Variants in CPD observed in about 807,000 individuals in gnomAD.
CPD encodes the protein metallocarboxypeptidase D.
Under a neutral mutation model 138.3 loss-of-function variants are expected in CPD, and 69 were observed. The ratio of observed to expected loss-of-function variants is 0.50; its 90% confidence interval spans 0.41 to 0.61. CPD has a LOEUF of 0.61. CPD is among the 20% of genes least tolerant of loss of function. The pLI is 0.00. For missense variants in CPD, 1,432 were observed against 1,733.3 expected (o/e 0.83, Z 3.09); for synonymous variants, 651 against 642.1 (o/e 1.01, Z -0.21).
At position 30,431,901 on chromosome 17, in the gene CPD, T is replaced by C. The variant is rs1912575998; in HGVS notation, c.2127+20T>C. 6.8e-7 allele frequency: 1 copy of C among 1,460,792 alleles called. No homozygotes were observed. Among genetic ancestry groups the C allele is most frequent in the Non-Finnish European group, 9.5e-7 (1 of 1,054,276 alleles). The allele number at this position is 1,460,792 out of a possible 1,614,324, so 90.5% of individuals were successfully genotyped here. On this transcript the variant is annotated intron_variant, in intron 8 of 20. Coordinates refer to ENST00000225719, the MANE Select transcript of CPD (RefSeq NM_001304.5). The stretch of plus-strand genomic sequence containing the variant: ...TCCAAGGTAGGCTTGTCTTTGAATA[T>C]AAAATGTTACAAAATTAATTCTTTT...
chr17:30,438,041 A>G lies in CPD; in HGVS notation c.2128-934A>G, dbSNP rs1329343558. 6.5e-5 allele frequency among the ~76,000 whole-genome samples: 8 copies of G among 122,440 alleles called. No individual in the cohort carries two copies. In the Admixed American group the frequency reaches 9.0e-4, roughly 14 times the overall value. 80.3% of individuals were successfully genotyped at this position (122,440 alleles called of 152,430 possible). The stretch of plus-strand genomic sequence containing the variant: ...TTTTTTTTTGTAGAGATGAGGTCTC[A>G]CTGTATTGCCCAGGCTGGTCTTGAA... On this transcript the variant is annotated intron_variant, in intron 8 of 20. Transcript: ENST00000225719.
intron 17 of CPD, chr17:30,456,905 G>T (rs1913316288): frequency 5.7e-6 from 1 of 176,504 alleles, no homozygotes; most frequent in East Asian, 1.5e-4. Flanking sequence ...TTGAGTACAA[G>T]AATAGGTGAC....
At chr17:30,381,971 A>T (rs116764662) in intron 1 of CPD, among the ~76,000 whole-genome samples, 17 of 152,182 alleles carry the variant, frequency 1.1e-4, no homozygotes, top group South Asian at 4.1e-4. Flanking sequence ...GAAAATATAT[A>T]AAAAAATTAA....
chr17:30,445,588 A>C, intron 11 of CPD, 103 bp from the exon 12 acceptor site: 1 of 762,442 alleles, frequency 1.3e-6, no homozygotes. Flanking sequence ...AAACTGCACC[A>C]CATTTATCCC....
chr17:30,395,189 ATGGGT>A (rs1911467480), intron 2 of CPD, among the ~76,000 whole-genome samples: 1 of 141,570 alleles, frequency 7.1e-6, no homozygotes, highest in East Asian at 2.3e-4. Context: ...AAATGAACAG[ATGGGT>A]GCTTTTTTTT....
chr17:30,402,044 C>CT (rs555684565), intron 2 of CPD, among the ~76,000 whole-genome samples: 1 of 144,030 alleles, frequency 6.9e-6, no homozygotes, highest in East Asian at 2.0e-4. Flanking sequence ...ATTTTTTCTT[C>CT]TTTTTTTTCA....
At chr17:30,385,503 T>TGCACACACACACACACACACAC (rs1911159976) in intron 2 of CPD, among the ~76,000 whole-genome samples, 1 of 94,312 alleles carries the variant, frequency 1.1e-5, no homozygotes, top group Non-Finnish European at 1.9e-5. Context: ...TGTATGTGCA[T>TGCACACACACACACACACACAC]GCACACACAC....
At position 30,427,473 on chromosome 17, in the gene CPD, C is replaced by G; in HGVS notation, c.1932C>G (p.Ile644Met). ...ATTTCCCAGACCAGTTTGTTCAGAT[C>G]ACAGATCCTACGCAACCAGAAACTA... Reference protein sequence around the residue: ...NRNFPDQFVQITDPTQPETIA... With the variant: ...NRNFPDQFVQMTDPTQPETIA... The change falls in exon 7 of 21, where the codon ATC becomes ATG. Residue 644 changes from isoleucine (I) to methionine (M), a missense_variant. Ile to Met is a conservative substitution (Grantham distance 10). This residue lies in a region of CPD where 297 missense variants were observed against 405.3 expected (regional missense o/e 0.73). Coordinates refer to ENST00000225719, the MANE Select transcript of CPD (RefSeq NM_001304.5). The G allele has an allele frequency of 6.2e-7, 1 of 1,614,126 alleles. No homozygotes were observed. Among genetic ancestry groups the G allele is most frequent in the Non-Finnish European group, 8.5e-7 (1 of 1,179,980 alleles).
intron 10 of CPD, among the ~76,000 whole-genome samples, chr17:30,442,785 A>G (rs1187606154): frequency 6.6e-6 from 1 of 152,162 alleles, no homozygotes; most frequent in Admixed American, 6.5e-5. Flanking sequence ...TGGCCAAGTG[A>G]TAGAAAGATG....
At position 30,440,009 on chromosome 17, in the gene CPD, G is replaced by C. The variant is rs1438832271; in HGVS notation, c.2230+932G>C. 1.1e-3 allele frequency among the ~76,000 whole-genome samples: 132 copies of C among 123,026 alleles called. 1 individual carries two copies. Among genetic ancestry groups the C allele is most frequent in the African/African-American group, 3.9e-3 (118 of 30,540 alleles). The allele number at this position is 123,026 out of a possible 152,430, so 80.7% of individuals were successfully genotyped here. Reference sequence around the variant, plus strand: ...ACTGACTTCCACAATGGTTGAACTAGTTTACAGTCCCACCAACAATGTAAA... The same window carrying C: ...ACTGACTTCCACAATGGTTGAACTACTTTACAGTCCCACCAACAATGTAAA... On this transcript the variant is annotated intron_variant, in intron 9 of 20. Coordinates refer to ENST00000225719, the MANE Select transcript of CPD (RefSeq NM_001304.5).
intron 15 of CPD, 56 bp downstream of exon 15, chr17:30,455,526 A>G: frequency 6.4e-7 from 1 of 1,560,418 alleles, no homozygotes; most frequent in African/African-American, 1.4e-5. Context: ...GCAAATCCCA[A>G]TTAAGTAATG....
At chr17:30,398,423 T>C (rs1911565594) in intron 2 of CPD, among the ~76,000 whole-genome samples, 1 of 152,218 alleles carries the variant, frequency 6.6e-6, no homozygotes, top group South Asian at 2.1e-4. Flanking sequence ...AAAGATATTC[T>C]GAAACCTGAC....
intron 2 of CPD, among the ~76,000 whole-genome samples, chr17:30,388,720 C>T (rs1443936301): frequency 6.6e-6 from 1 of 152,216 alleles, no homozygotes; most frequent in Non-Finnish European, 1.5e-5. Flanking sequence ...CCCCTGGGAG[C>T]CTGTGGCGGG....
chr17:30,428,882 T>TA (rs34217907), intron 7 of CPD, among the ~76,000 whole-genome samples: 6,434 of 146,622 alleles, frequency 0.044, 421 homozygotes, highest in African/African-American at 0.15. Flanking sequence ...GTAAAACTAC[T>TA]AAAAAAAAAA....
chr17:30,400,059 T>A (rs920573950), intron 2 of CPD, among the ~76,000 whole-genome samples: 1 of 152,194 alleles, frequency 6.6e-6, no homozygotes, highest in African/African-American at 2.4e-5. Context: ...TTGGGCCTTG[T>A]TTTTTAATGA....
In CPD at chr17:30,466,638, T is replaced by C. The variant is rs1913647716; in HGVS notation, c.*1824T>C. The C allele has an allele frequency of 1.3e-5, 2 of 152,620 alleles. No homozygotes were observed. The highest frequency in any genetic ancestry group is 4.8e-5 in the African/African-American group (2 of 41,452). The allele number at this position is 152,620 out of a possible 1,614,324, so 9.5% of individuals were successfully genotyped here. A position where few individuals can be genotyped will look rare whatever the true frequency, so the allele number is the denominator to read the frequency against. On this transcript the variant is annotated 3_prime_UTR_variant, in exon 21 of 21. Transcript: ENST00000225719. ...TGGTGGTGTATTGCTCTTTTTCAGC[T>C]TTATTTTTAAGAGTACAGTCAGGAA...
intron 17 of CPD, among the ~76,000 whole-genome samples, chr17:30,457,665 G>T (rs549369876): frequency 1.1e-3 from 157 of 144,658 alleles, no homozygotes; most frequent in African/African-American, 3.7e-3. Flanking sequence ...TTATTTGCTG[G>T]TTTTTTTTTT....
intron 2 of CPD, among the ~76,000 whole-genome samples, chr17:30,399,677 A>C (rs1448158889): frequency 6.6e-6 from 1 of 151,900 alleles, no homozygotes; most frequent in Non-Finnish European, 1.5e-5. Context: ...CTTTTAACTT[A>C]CCTATACCAT....
chr17:30,400,732 A>AC (rs1255626989), intron 2 of CPD, among the ~76,000 whole-genome samples: 1 of 127,304 alleles, frequency 7.9e-6, no homozygotes, highest in Non-Finnish European at 1.5e-5. Flanking sequence ...ATCTCAGCTC[A>AC]CCGCAAGCTT....
Sources: gnomAD v4.1 joint callset for allele counts (sites outside exome capture counted in the v4.1 genomes callset) on GRCh38, gnomAD v4.1.1 for gene constraint, gnomAD v4.1.1 regional missense constraint, MANE v1.5 for transcripts, NCBI Gene and HGNC (gene_info 2026-07-23, HGNC 2026-07-21) for gene names.